The following NALCN variants were observed in gnomAD, a reference collection of about 807,000 sequenced individuals.
NALCN encodes sodium leak channel, non-selective.
NALCN carries 111 observed loss-of-function variants against 225.3 expected under a neutral mutation model. That is an observed-to-expected ratio of 0.49 (90% confidence interval 0.42 to 0.58). NALCN has a LOEUF of 0.58. NALCN is among the 20% of genes least tolerant of loss of function. The pLI is 0.00. For synonymous variants in NALCN, 764 were observed against 769.0 expected, an observed-to-expected ratio of 0.99 and a Z score of 0.11; for missense variants, 1,378 against 2,202.4, an observed-to-expected ratio of 0.63 and a Z score of 7.49.
At chr13:101,106,730 T>C (rs1343826302) in intron 22 of NALCN, among the ~76,000 whole-genome samples, 1 of 152,204 alleles carries the variant, frequency 6.6e-6, no homozygotes, top group Non-Finnish European at 1.5e-5. Flanking sequence ...TGCTGCCATG[T>C]AAGATGTGCC....
At chr13:101,283,854 A>G in intron 10 of NALCN, 79 bp downstream of exon 10, 1 of 1,213,308 alleles carries the variant, frequency 8.2e-7, no homozygotes. Context: ...TAGAGCTTAA[A>G]GAGCTGTGGA....
In NALCN at chr13:101,171,710, G is replaced by A. The variant is rs561018150; in HGVS notation, c.1839+4590C>T. On this transcript the variant is annotated intron_variant, in intron 15 of 43. Transcript: ENST00000251127. Reference sequence around the variant, plus strand: ...GAAAAGCCATAGAGGTGACCATCACGGCACACACTGGTGATGTCTTGGAGA... The same window carrying A: ...GAAAAGCCATAGAGGTGACCATCACAGCACACACTGGTGATGTCTTGGAGA... Among the ~76,000 whole-genome samples the A allele has an allele frequency of 1.3e-4, 20 of 152,198 alleles. No individual in the cohort carries two copies. In the South Asian group the frequency reaches 2.9e-3, roughly 22 times the overall value.
chr13:101,413,900 CAG>C (rs1273125591), intron 1 of NALCN, among the ~76,000 whole-genome samples: 1 of 152,086 alleles, frequency 6.6e-6, no homozygotes, highest in African/African-American at 2.4e-5. Context: ...TATTTTTAAA[CAG>C]AGTCTCACTC....
intron 7 of NALCN, among the ~76,000 whole-genome samples, chr13:101,327,151 G>A (rs1205562968): frequency 2.0e-5 from 3 of 152,098 alleles, no homozygotes; most frequent in East Asian, 1.9e-4. Flanking sequence ...GAGAAGCGAC[G>A]ATTCTTACTC....
intron 3 of NALCN, among the ~76,000 whole-genome samples, chr13:101,383,242 A>G (rs938124892): frequency 6.6e-6 from 1 of 152,170 alleles, no homozygotes; most frequent in African/African-American, 2.4e-5. Context: ...CAGCTCATGT[A>G]TATAAATAAT....
chr13:101,082,868 G>C lies in NALCN; in HGVS notation c.3706C>G (p.Pro1236Ala). Residue 1236 changes from proline (P) to alanine (A), a missense_variant, in exon 33 of 44, where the codon CCG becomes GCG. Around this residue, in one of 19 missense-constraint regions of NALCN, gnomAD observed 98 missense variants for 156.6 expected, o/e 0.63. Transcript: ENST00000251127. The stretch of plus-strand genomic sequence containing the variant: ...ATTGTTGCCAAAGGTACGGTCACCG[G>C]GTCCTCGACGTCCCACTGCAACAGA... ...LLSVKWDVED[P>A]VTVPLATMSV... The C allele has an allele frequency of 5.0e-6, 8 of 1,614,148 alleles. No individual in the cohort carries two copies. The highest frequency in any genetic ancestry group is 5.9e-6 in the Non-Finnish European group (7 of 1,180,002).
chr13:101,119,347 C>T (rs1394324390), intron 18 of NALCN, among the ~76,000 whole-genome samples: 5 of 151,992 alleles, frequency 3.3e-5, no homozygotes, highest in Admixed American at 6.6e-5. Context: ...AAAGACTATT[C>T]CTTAAGACTT....
chr13:101,248,680 T>C (rs1282903024), intron 11 of NALCN, among the ~76,000 whole-genome samples: 1 of 152,208 alleles, frequency 6.6e-6, no homozygotes, highest in Non-Finnish European at 1.5e-5. Context: ...GAGAGGGTGA[T>C]ATGTCCTCAC....
At chr13:101,396,164 G>A (rs988155180) in intron 2 of NALCN, among the ~76,000 whole-genome samples, 1 of 151,902 alleles carries the variant, frequency 6.6e-6, no homozygotes. Context: ...CCCAAAATAA[G>A]AAGAAAGAAT....
intron 2 of NALCN, among the ~76,000 whole-genome samples, chr13:101,398,555 A>G (rs576660653): frequency 6.6e-6 from 1 of 152,342 alleles, no homozygotes; most frequent in Admixed American, 6.5e-5. Flanking sequence ...TGAAGGTGAC[A>G]AAGTTCTTCA....
rs35686654 is a variant in NALCN, at chr13:101,355,372, G to GAA, written c.645-9954_645-9953dup. Among the ~76,000 whole-genome samples the GAA allele has an allele frequency of 3.1e-3, 449 of 146,760 alleles. 1 individual carries two copies. The highest frequency in any genetic ancestry group is 9.9e-3 in the African/African-American group (398 of 40,096). On this transcript the variant is annotated intron_variant, in intron 6 of 43. Coordinates refer to ENST00000251127, the MANE Select transcript of NALCN (RefSeq NM_052867.4). ...GGAAGACCTACCAAGCAAATGGAAA[G>GAA]AAAAAAAAAAATCAGGGGTTGCAAT...
intron 14 of NALCN, among the ~76,000 whole-genome samples, chr13:101,182,621 C>T (rs920600654): frequency 8.5e-5 from 13 of 152,104 alleles, no homozygotes; most frequent in African/African-American, 2.2e-4. Flanking sequence ...CTTGGGTTTC[C>T]GCTGAAGCCC....
intron 15 of NALCN, among the ~76,000 whole-genome samples, chr13:101,167,631 G>T (rs1312268407): frequency 7.1e-6 from 1 of 141,816 alleles, no homozygotes; most frequent in African/African-American, 2.5e-5. Context: ...GAGGTCAGGA[G>T]TTCGAGACCA....
chr13:101,201,295 C>T lies in NALCN; in HGVS notation c.1627-9241G>A, dbSNP rs535389051. ...TACCACTATCTAATTTAAGAACATT[C>T]TCTTTATCCCCAAAAGAAGCTACAT... is the stretch of plus-strand genomic sequence containing the variant. On this transcript the variant is annotated intron_variant, in intron 13 of 43. Coordinates refer to ENST00000251127, the MANE Select transcript of NALCN (RefSeq NM_052867.4). Among the ~76,000 whole-genome samples the T allele has an allele frequency of 5.9e-5, 9 of 152,282 alleles. No individual in the cohort carries two copies. In the East Asian group the frequency reaches 1.5e-3, roughly 26 times the overall value.
chr13:101,230,428 T>C (rs1328521554), intron 12 of NALCN, among the ~76,000 whole-genome samples: 1 of 152,208 alleles, frequency 6.6e-6, no homozygotes, highest in Non-Finnish European at 1.5e-5. Context: ...AATTCTAACC[T>C]AGCAAGTGGT....
At position 101,292,513 on chromosome 13, in the gene NALCN, T is replaced by C. The variant is rs139501260; in HGVS notation, c.800-147A>G. On this transcript the variant is annotated intron_variant, in intron 7 of 43. Transcript: ENST00000251127. This position sits in a 1 kb window ranked among gnomAD's most constrained non-coding sequence, Gnocchi z 4.3. ...ATTGATTAGAATCACATGCAACACA[T>C]TTTACTGTTCTCTTAAAATTTTAAT... The C allele has an allele frequency of 6.6e-4, 520 of 792,410 alleles. 1 individual carries two copies. In the African/African-American group the frequency reaches 8.4e-3, roughly 13 times the overall value. The allele number at this position is 792,410 out of a possible 1,614,324, so 49.1% of individuals were successfully genotyped here. A position where few individuals can be genotyped will look rare whatever the true frequency, so the allele number is the denominator to read the frequency against.
intron 13 of NALCN, among the ~76,000 whole-genome samples, chr13:101,214,585 A>C (rs1393636552): frequency 6.6e-6 from 1 of 152,148 alleles, no homozygotes; most frequent in African/African-American, 2.4e-5. Flanking sequence ...AAATGCAAAA[A>C]GCATCCTTTT....
chr13:101,243,544 T>C lies in NALCN; in HGVS notation c.1267-5622A>G, dbSNP rs2041808977. Among the ~76,000 whole-genome samples the C allele has an allele frequency of 1.9e-5, 2 of 105,384 alleles. 1 individual carries two copies. Among genetic ancestry groups the C allele is most frequent in the South Asian group, 6.4e-4 (2 of 3,142 alleles). The allele number at this position is 105,384 out of a possible 152,430, so 69.1% of individuals were successfully genotyped here. ...TAACTTTTCTTTCCTTCACCATGGA[T>C]ACATGTTTTTGATGTAATTGTCGTT... On this transcript the variant is annotated intron_variant, in intron 11 of 43. Coordinates refer to ENST00000251127, the MANE Select transcript of NALCN (RefSeq NM_052867.4).
chr13:101,268,544 T>A (rs145479090), intron 10 of NALCN, among the ~76,000 whole-genome samples: 194 of 152,304 alleles, frequency 1.3e-3, no homozygotes, highest in African/African-American at 3.3e-3. Flanking sequence ...TCATATATAT[T>A]ACATATAGTC....
Sources: gnomAD v4.1 joint callset for allele counts (sites outside exome capture counted in the v4.1 genomes callset) on GRCh38, gnomAD v4.1.1 for gene constraint, gnomAD v4.1.1 regional missense constraint, Gnocchi (gnomAD v3.1) non-coding constraint, MANE v1.5 for transcripts, NCBI Gene and HGNC (gene_info 2026-07-23, HGNC 2026-07-21) for gene names.